The following PTPRD variants were observed in gnomAD, a reference collection of about 807,000 sequenced individuals.
PTPRD encodes protein tyrosine phosphatase receptor type D.
Under a neutral mutation model 214.5 loss-of-function variants are expected in PTPRD, and 34 were observed. That is an observed-to-expected ratio of 0.16 (90% CI 0.12 to 0.21). The LOEUF (loss-of-function observed/expected upper bound fraction) is 0.21, where lower values mean the gene tolerates loss of function less well. PTPRD is among the 10% of genes least tolerant of loss of function. The pLI is 1.00. For missense variants in PTPRD, 2,545 were observed against 2,398.7 expected, an observed-to-expected ratio of 1.06 and a Z score of -1.27; for synonymous variants, 1,128 against 845.7, an observed-to-expected ratio of 1.33 and a Z score of -5.79.
intron 11 of PTPRD, among the ~76,000 whole-genome samples, chr9:9,016,328 A>G (rs539439113): frequency 6.6e-6 from 1 of 152,300 alleles, no homozygotes; most frequent in African/African-American, 2.4e-5. Context: ...TGTAATATAC[A>G]TGGGCTGTGG....
intron 3 of PTPRD, among the ~76,000 whole-genome samples, chr9:10,194,350 AG>A (rs2099388691): frequency 1.7e-4 from 1 of 5,862 alleles, no homozygotes; most frequent in Non-Finnish European, 3.8e-4. Flanking sequence ...ATATATAGAG[AG>A]AGAGAGAGAG....
chr9:9,906,156 G>C (rs1429825243), intron 5 of PTPRD, among the ~76,000 whole-genome samples: 6 of 151,944 alleles, frequency 3.9e-5, no homozygotes, highest in Non-Finnish European at 7.4e-5. Flanking sequence ...GGGAAGAAGA[G>C]AGTGTCAGGC....
At chr9:8,842,781 CGCACTATAATAAA>C (rs2097584446) in intron 11 of PTPRD, among the ~76,000 whole-genome samples, 1 of 152,110 alleles carries the variant, frequency 6.6e-6, no homozygotes, top group African/African-American at 2.4e-5. Flanking sequence ...AAAATTCAAA[CGCACTATAATAAA>C]GCAAAAGAGC....
intron 7 of PTPRD, among the ~76,000 whole-genome samples, chr9:9,670,140 G>C (rs956989825): frequency 1.3e-5 from 2 of 152,100 alleles, no homozygotes; most frequent in Non-Finnish European, 1.5e-5. Context: ...TGTAATTTCT[G>C]TTGAACAAAG....
In PTPRD at chr9:8,504,146, C is replaced by T. The variant is rs933695458; in HGVS notation, c.1822+115G>A. On this transcript the variant is annotated intron_variant, in intron 23 of 45. Coordinates refer to ENST00000381196, the MANE Select transcript of PTPRD (RefSeq NM_002839.4). ...ACCTGTGAAGTGTGATGCATACTAA[C>T]CTAGAGACTAACTATTAAGCATATT... 19 of 1,058,332 alleles carry T rather than the reference C, an allele frequency of 1.8e-5. No homozygotes were observed. In the African/African-American group the frequency reaches 3.0e-4, roughly 17 times the overall value. 65.6% of individuals were successfully genotyped at this position (1,058,332 alleles called of 1,614,324 possible).
Position 10,427,644 on chromosome 9 carries a change from C to T in PTPRD, c.-599-86627G>A, listed in dbSNP as rs191095750. Among the ~76,000 whole-genome samples, 145 of 152,170 alleles carry T rather than the reference C, an allele frequency of 9.5e-4. No homozygotes were observed. The East Asian group carries it at 0.011, about 11-fold the overall frequency. ...ACTAAAAAGGGGATCAAAGCCTGAG[C>T]GGACATGTAGTTTCTGTCCCGATTA... On this transcript the variant is annotated intron_variant, in intron 2 of 45. Coordinates refer to ENST00000381196, the MANE Select transcript of PTPRD (RefSeq NM_002839.4).
intron 7 of PTPRD, among the ~76,000 whole-genome samples, chr9:9,635,367 G>A (rs1199153241): frequency 6.6e-6 from 1 of 152,128 alleles, no homozygotes; most frequent in African/African-American, 2.4e-5. Context: ...GTTCAGGGTA[G>A]GTAGCATATT....
At chr9:9,561,808 G>A (rs143653629) in intron 8 of PTPRD, among the ~76,000 whole-genome samples, 1 of 152,248 alleles carries the variant, frequency 6.6e-6, no homozygotes, top group Non-Finnish European at 1.5e-5. Context: ...TCTACTGGTT[G>A]TACCTTCTCT....
At chr9:10,447,279 G>A (rs1185943751) in intron 2 of PTPRD, among the ~76,000 whole-genome samples, 9 of 152,010 alleles carry the variant, frequency 5.9e-5, no homozygotes, top group Admixed American at 5.9e-4. Flanking sequence ...GGCATGCAGA[G>A]AAATAATTGT....
intron 10 of PTPRD, among the ~76,000 whole-genome samples, chr9:9,177,104 G>T (rs560302684): frequency 6.6e-6 from 1 of 152,218 alleles, no homozygotes; most frequent in South Asian, 2.1e-4. Flanking sequence ...GTTTAGCATG[G>T]TTGGGGAGGT....
intron 14 of PTPRD, among the ~76,000 whole-genome samples, chr9:8,601,578 G>A (rs182152493): frequency 6.6e-6 from 1 of 152,058 alleles, no homozygotes; most frequent in African/African-American, 2.4e-5. Context: ...AGTAAGGCAA[G>A]AGAACAACAG....
chr9:9,837,699 T>C (rs566163880), intron 5 of PTPRD, among the ~76,000 whole-genome samples: 8 of 152,246 alleles, frequency 5.3e-5, no homozygotes, highest in African/African-American at 1.9e-4. Flanking sequence ...AGTGGTAGCA[T>C]CCTAACCAGA....
chr9:8,833,682 T>C (rs2097346420), intron 11 of PTPRD, among the ~76,000 whole-genome samples: 1 of 128,552 alleles, frequency 7.8e-6, no homozygotes, highest in Non-Finnish European at 1.6e-5. Flanking sequence ...GAATGAAAAC[T>C]CTCTCCTCTC....
intron 3 of PTPRD, among the ~76,000 whole-genome samples, chr9:10,160,442 C>T (rs1384957359): frequency 6.6e-6 from 1 of 151,900 alleles, no homozygotes; most frequent in African/African-American, 2.4e-5. Context: ...AATACCAATT[C>T]TTCTCAAAGA....
intron 9 of PTPRD, among the ~76,000 whole-genome samples, chr9:9,257,430 T>G (rs1434017153): frequency 6.6e-6 from 1 of 151,990 alleles, no homozygotes; most frequent in African/African-American, 2.4e-5. Flanking sequence ...CAAACTCAAC[T>G]GCTCCTTAAT....
chr9:10,417,603 CAAT>C (rs1327147457), intron 2 of PTPRD, among the ~76,000 whole-genome samples: 3 of 151,340 alleles, frequency 2.0e-5, no homozygotes, highest in African/African-American at 4.8e-5. Context: ...AACCATATAT[CAAT>C]AATAACATAT....
chr9:8,331,500 G>GCAAACTTACTACA lies in PTPRD; in HGVS notation c.5534+69_5534+81dup, dbSNP rs1841034752. 9.4e-6 allele frequency: 14 copies of GCAAACTTACTACA among 1,488,900 alleles called. 1 individual carries two copies. The highest frequency in any genetic ancestry group is 1.2e-5 in the Non-Finnish European group (13 of 1,101,288). 92.2% of individuals were successfully genotyped at this position (1,488,900 alleles called of 1,614,324 possible). ...TTGCCAAGAATAAAATTTCAAATAA[G>GCAAACTTACTACA]CAAACTTACTACAAAAAGTGTATAC... On this transcript the variant is annotated intron_variant, in intron 44 of 45. Coordinates refer to ENST00000381196, the MANE Select transcript of PTPRD (RefSeq NM_002839.4).
At chr9:9,463,694 A>G (rs1205190966) in intron 8 of PTPRD, among the ~76,000 whole-genome samples, 2 of 151,928 alleles carry the variant, frequency 1.3e-5, no homozygotes, top group Admixed American at 1.3e-4. Flanking sequence ...TTACATGGGT[A>G]TGTTGTGAAA....
At chr9:8,933,493 C>T (rs1028045672) in intron 11 of PTPRD, among the ~76,000 whole-genome samples, 2 of 151,778 alleles carry the variant, frequency 1.3e-5, no homozygotes, top group African/African-American at 4.8e-5. Context: ...ATCTTGGATA[C>T]CAATAACATG....
Sources: allele counts gnomAD v4.1 joint callset (sites outside exome capture counted in the v4.1 genomes callset), GRCh38; gene constraint gnomAD v4.1.1; transcripts MANE v1.5; gene names NCBI Gene and HGNC (gene_info 2026-07-23, HGNC 2026-07-21).